Variants in CSMD1 observed in about 807,000 individuals in gnomAD.
CSMD1 encodes CUB and sushi domain-containing protein 1.
CSMD1 carries 213 observed loss-of-function variants against 417.5 expected under a neutral mutation model. That is an observed-to-expected ratio of 0.51 (90% CI 0.46 to 0.57). The LOEUF is 0.57. CSMD1 is among the 20% of genes least tolerant of loss of function. The probability of loss-of-function intolerance (pLI) is 0.00; values close to 1 mark genes in which losing one functional copy is unlikely to be tolerated. For missense variants in CSMD1, 6,923 were observed against 4,529.7 expected (o/e 1.53, Z -15.17); for synonymous variants, 2,862 against 1,736.8 (o/e 1.65, Z -16.11).
chr8:3,131,052 G>C (rs1395740974), intron 41 of CSMD1, among the ~76,000 whole-genome samples: 1 of 152,112 alleles, frequency 6.6e-6, no homozygotes. Flanking sequence ...AACTACTTTG[G>C]CATTCTGGGA....
At chr8:4,484,576 G>A (rs769725129) in intron 2 of CSMD1, among the ~76,000 whole-genome samples, 14 of 152,160 alleles carry the variant, frequency 9.2e-5, no homozygotes, top group South Asian at 2.1e-4. Context: ...TTCATCACTC[G>A]CTCTCTCAGG....
intron 3 of CSMD1, among the ~76,000 whole-genome samples, chr8:4,287,990 T>G (rs996186196): frequency 7.9e-5 from 12 of 152,104 alleles, no homozygotes; most frequent in Admixed American, 6.6e-5. Flanking sequence ...AAATTAAGGT[T>G]TGATTTAAAG....
At chr8:4,030,927 T>G (rs530336232) in intron 4 of CSMD1, among the ~76,000 whole-genome samples, 1 of 152,296 alleles carries the variant, frequency 6.6e-6, no homozygotes, top group South Asian at 2.1e-4. Flanking sequence ...AGGGGCAAAA[T>G]GCCATCAGTC....
Position 3,435,176 on chromosome 8 carries a change from G to C in CSMD1, c.1562-25571C>G, listed in dbSNP as rs1343475546. Among the ~76,000 whole-genome samples the C allele has an allele frequency of 2.0e-5, 3 of 152,186 alleles. No individual in the cohort carries two copies. In the East Asian group the frequency reaches 5.8e-4, roughly 29 times the overall value. On this transcript the variant is annotated intron_variant, in intron 12 of 69. Transcript: ENST00000635120. ...TTTGGTGAATCCCAATGAGAAGTCA[G>C]AGGGCAAAAAAGCCCCTTGATATGT...
intron 20 of CSMD1, among the ~76,000 whole-genome samples, chr8:3,362,706 C>T (rs944072164): frequency 6.6e-6 from 1 of 152,174 alleles, no homozygotes; most frequent in Non-Finnish European, 1.5e-5. Flanking sequence ...CCCAAACCTG[C>T]TTTGCTTCCA....
At chr8:4,379,948 G>A (rs1348196522) in intron 3 of CSMD1, among the ~76,000 whole-genome samples, 1 of 152,186 alleles carries the variant, frequency 6.6e-6, no homozygotes, top group Non-Finnish European at 1.5e-5. Context: ...CTCTGGAGAT[G>A]GAAGAGTCGC....
intron 5 of CSMD1, among the ~76,000 whole-genome samples, chr8:3,906,514 T>C (rs1407586451): frequency 7.3e-6 from 1 of 136,446 alleles, no homozygotes; most frequent in African/African-American, 2.8e-5. Flanking sequence ...AAAAACAAGG[T>C]TGTGCTCACT....
intron 7 of CSMD1, among the ~76,000 whole-genome samples, chr8:3,665,523 C>T (rs1322783847): frequency 2.6e-5 from 4 of 152,196 alleles, no homozygotes; most frequent in East Asian, 1.9e-4. Flanking sequence ...AGCGAGACTC[C>T]ATCTCAAAGA....
chr8:3,984,993 C>A (rs1408327772), intron 5 of CSMD1, among the ~76,000 whole-genome samples: 2 of 151,984 alleles, frequency 1.3e-5, no homozygotes, highest in Non-Finnish European at 2.9e-5. Context: ...TATTCCGATA[C>A]TGGGAAAATC....
At chr8:3,608,535 G>A (rs961447387) in intron 8 of CSMD1, among the ~76,000 whole-genome samples, 4 of 152,048 alleles carry the variant, frequency 2.6e-5, no homozygotes, top group Non-Finnish European at 2.9e-5. Context: ...AGGCCAAGGT[G>A]GGTGGATCAC....
intron 61 of CSMD1, 144 bp from the exon 62 acceptor site, chr8:2,961,358 T>C (rs1803463806): frequency 2.3e-6 from 1 of 426,056 alleles, no homozygotes; most frequent in Non-Finnish European, 4.3e-6. Context: ...AAGTTAAAAA[T>C]TAAATTGCTA....
chr8:4,363,853 C>G (rs1052255379), intron 3 of CSMD1, among the ~76,000 whole-genome samples: 7 of 151,994 alleles, frequency 4.6e-5, no homozygotes, highest in Non-Finnish European at 1.0e-4. Context: ...AAAATCAAAA[C>G]AATAGAACTC....
intron 3 of CSMD1, among the ~76,000 whole-genome samples, chr8:4,143,635 G>T (rs919556124): frequency 5.3e-5 from 8 of 151,134 alleles, no homozygotes; most frequent in South Asian, 2.1e-4. Flanking sequence ...ACCTGATACC[G>T]GAAGGAGAGC....
chr8:3,041,374 C>T (rs958526271), intron 50 of CSMD1, among the ~76,000 whole-genome samples: 1 of 152,074 alleles, frequency 6.6e-6, no homozygotes, highest in Non-Finnish European at 1.5e-5. Flanking sequence ...TCTCTGATCC[C>T]AAACATAAAG....
chr8:3,119,085 C>T (rs1386840604), intron 41 of CSMD1, among the ~76,000 whole-genome samples: 1 of 151,874 alleles, frequency 6.6e-6, no homozygotes, highest in South Asian at 2.1e-4. Context: ...GAGGCTGAGG[C>T]GGGAGAATGG....
chr8:4,264,628 T>C (rs1804119221), intron 3 of CSMD1, among the ~76,000 whole-genome samples: 1 of 152,170 alleles, frequency 6.6e-6, no homozygotes, highest in Non-Finnish European at 1.5e-5. Context: ...GTTTCTCACC[T>C]GCTGTCCCAC....
At chr8:4,188,656 T>C (rs1798827439) in intron 3 of CSMD1, among the ~76,000 whole-genome samples, 1 of 151,884 alleles carries the variant, frequency 6.6e-6, no homozygotes, top group African/African-American at 2.4e-5. Flanking sequence ...AAATGAAAAC[T>C]CTCATAAAAC....
In CSMD1 at chr8:3,190,807, A is replaced by C. The variant is rs142982968; in HGVS notation, c.5195-692T>G. On this transcript the variant is annotated intron_variant, in intron 33 of 69. Transcript: ENST00000635120. ...AAAAGAAGAAATTCTGCTATTTGTA[A>C]TAACACGGATGAACCTTGAGGACAT... Among the ~76,000 whole-genome samples the C allele has an allele frequency of 1.7e-3, 266 of 152,346 alleles. 2 individuals are homozygous for C. The highest frequency in any genetic ancestry group is 6.2e-3 in the African/African-American group (258 of 41,582).
intron 3 of CSMD1, among the ~76,000 whole-genome samples, chr8:4,303,823 T>C (rs1205156345): frequency 6.6e-6 from 1 of 151,996 alleles, no homozygotes; most frequent in Non-Finnish European, 1.5e-5. Context: ...CCCCGGCTAA[T>C]TGTTGTAGTT....
Sources: gnomAD v4.1 joint callset for allele counts (sites outside exome capture counted in the v4.1 genomes callset) on GRCh38, gnomAD v4.1.1 for gene constraint, MANE v1.5 for transcripts, NCBI Gene and HGNC (gene_info 2026-07-23, HGNC 2026-07-21) for gene names.